The following OXR1 variants were observed in gnomAD, a reference collection of about 807,000 sequenced individuals.
OXR1 encodes oxidation resistance 1.
A neutral mutation model predicts 104.6 loss-of-function variants in OXR1; 41 were observed. The observed-to-expected ratio is 0.39, with a 90% CI of 0.31 to 0.51. The LOEUF (loss-of-function observed/expected upper bound fraction) is 0.51, where lower values mean the gene tolerates loss of function less well. Among genes scored for constraint, OXR1 ranks in the 20% least tolerant of loss-of-function variants. The pLI is 0.77. For synonymous variants in OXR1, 348 were observed against 348.4 expected (o/e 1.00, Z 0.01); for missense variants, 955 against 1,031.9 (o/e 0.93, Z 1.02).
chr8:106,406,528 G>C (rs376063394), intron 2 of OXR1, among the ~76,000 whole-genome samples: 2 of 152,058 alleles, frequency 1.3e-5, no homozygotes, highest in East Asian at 3.9e-4. Context: ...AAAGAAATGA[G>C]CTATCAAGCC....
chr8:106,350,811 T>G (rs1364435944), intron 1 of OXR1, among the ~76,000 whole-genome samples: 3 of 152,224 alleles, frequency 2.0e-5, no homozygotes, highest in Non-Finnish European at 4.4e-5. Context: ...TGTTAGAAAT[T>G]TTGTGCAACG....
chr8:106,672,334 A>C (rs1827098883), intron 3 of OXR1, among the ~76,000 whole-genome samples: 1 of 151,394 alleles, frequency 6.6e-6, no homozygotes, highest in Admixed American at 6.6e-5. Context: ...AAAAAAAAAA[A>C]AAATTAGCTG....
intron 2 of OXR1, among the ~76,000 whole-genome samples, chr8:106,443,554 TA>T (rs763497192): frequency 1.6e-4 from 25 of 152,314 alleles, no homozygotes; most frequent in Middle Eastern, 6.8e-3. Flanking sequence ...AGTCTCTTTA[TA>T]GGTCTCTAAG....
chr8:106,418,463 G>C (rs1818769893), intron 2 of OXR1, among the ~76,000 whole-genome samples: 1 of 151,822 alleles, frequency 6.6e-6, no homozygotes, highest in South Asian at 2.1e-4. Context: ...ACATTTTAGT[G>C]ACTTTTCTTC....
chr8:106,560,799 A>G (rs1164556185), intron 3 of OXR1, among the ~76,000 whole-genome samples: 1 of 152,262 alleles, frequency 6.6e-6, no homozygotes, highest in Non-Finnish European at 1.5e-5. Flanking sequence ...TGCATTTCCA[A>G]TGGAGGTACC....
intron 2 of OXR1, among the ~76,000 whole-genome samples, chr8:106,505,784 G>C (rs950175947): frequency 6.6e-6 from 1 of 152,184 alleles, no homozygotes; most frequent in African/African-American, 2.4e-5. Context: ...AAGAAAAGTG[G>C]CCCAAGACTA....
intron 3 of OXR1, among the ~76,000 whole-genome samples, chr8:106,553,164 C>T (rs1022581136): frequency 2.0e-5 from 3 of 151,874 alleles, no homozygotes; most frequent in African/African-American, 7.3e-5. Context: ...TGTAACTAAC[C>T]TGCACATTGT....
chr8:106,560,013 T>C (rs1303222449), intron 3 of OXR1, among the ~76,000 whole-genome samples: 1 of 152,178 alleles, frequency 6.6e-6, no homozygotes, highest in East Asian at 1.9e-4. Context: ...CATGCAGTTC[T>C]TGAAGTAGCA....
intron 1 of OXR1, among the ~76,000 whole-genome samples, chr8:106,297,376 A>G (rs185441807): frequency 2.3e-4 from 35 of 152,312 alleles, no homozygotes; most frequent in Non-Finnish European, 4.3e-4. Context: ...ACAGGGCAGC[A>G]TTCTGAGAAA....
intron 1 of OXR1, among the ~76,000 whole-genome samples, chr8:106,320,323 C>T (rs1351181792): frequency 1.3e-5 from 2 of 152,148 alleles, no homozygotes; most frequent in Admixed American, 6.5e-5. Context: ...ATCTCCTTGT[C>T]GTAGACTTAG....
intron 2 of OXR1, among the ~76,000 whole-genome samples, chr8:106,442,719 A>G (rs923496816): frequency 7.9e-5 from 12 of 152,114 alleles, no homozygotes; most frequent in African/African-American, 2.9e-4. Flanking sequence ...TGTTTATAGT[A>G]TTCTCTGATG....
rs1281426803 is a variant in OXR1, at chr8:106,751,948, A to G, written c.*1007A>G. 1 of 152,448 alleles carries G rather than the reference A, an allele frequency of 6.6e-6. No individual in the cohort carries two copies. The highest frequency in any genetic ancestry group is 6.5e-5 in the Admixed American group (1 of 15,274). 9.4% of individuals were successfully genotyped at this position (152,448 alleles called of 1,614,324 possible). On this transcript the variant is annotated 3_prime_UTR_variant, in exon 17 of 17. Coordinates refer to ENST00000517566, the MANE Select transcript of OXR1 (RefSeq NM_001198533.2). Reference sequence around the variant, plus strand: ...TTTGCTCTTATAAAGGGCAATGATTATAGTAGACAATATTGTAACTCAGTA... The same window carrying G: ...TTTGCTCTTATAAAGGGCAATGATTGTAGTAGACAATATTGTAACTCAGTA...
intron 3 of OXR1, among the ~76,000 whole-genome samples, chr8:106,571,020 TG>T (rs919004681): frequency 2.7e-4 from 41 of 151,838 alleles, no homozygotes; most frequent in Non-Finnish European, 5.9e-4. Flanking sequence ...CAGCTACCCT[TG>T]AAGCACACGG....
In OXR1 at chr8:106,462,257, A is replaced by G. The variant is rs541650002; in HGVS notation, c.24-56686A>G. Among the ~76,000 whole-genome samples the G allele has an allele frequency of 1.1e-4, 16 of 152,300 alleles. No individual in the cohort carries two copies. In the South Asian group the frequency reaches 3.3e-3, roughly 32 times the overall value. Reference sequence around the variant, plus strand: ...CCCAGATTTATGTATTCACATTCCTATAATAGTTTTTATTAAACTTTAAAA... The same window carrying G: ...CCCAGATTTATGTATTCACATTCCTGTAATAGTTTTTATTAAACTTTAAAA... On this transcript the variant is annotated intron_variant, in intron 2 of 16. Transcript: ENST00000517566.
At chr8:106,430,602 T>C (rs1819324885) in intron 2 of OXR1, among the ~76,000 whole-genome samples, 1 of 152,190 alleles carries the variant, frequency 6.6e-6, no homozygotes, top group African/African-American at 2.4e-5. Flanking sequence ...GACAGATCCA[T>C]AGAGTTTGGG....
intron 3 of OXR1, among the ~76,000 whole-genome samples, chr8:106,551,308 T>A (rs1173662694): frequency 1.3e-5 from 2 of 152,212 alleles, no homozygotes; most frequent in African/African-American, 4.8e-5. Flanking sequence ...TATTTCTTGT[T>A]GAAATGAGCA....
intron 8 of OXR1, among the ~76,000 whole-genome samples, chr8:106,705,747 A>G (rs1587169916): frequency 6.6e-6 from 1 of 152,164 alleles, no homozygotes; most frequent in African/African-American, 2.4e-5. Context: ...CCAGTTATGA[A>G]CCATTCATTT....
intron 2 of OXR1, among the ~76,000 whole-genome samples, chr8:106,420,251 T>C (rs1411414402): frequency 6.6e-6 from 1 of 152,084 alleles, no homozygotes; most frequent in African/African-American, 2.4e-5. Context: ...TCTTTATTTC[T>C]TTGTTTGTAG....
At chr8:106,310,182 C>T (rs1270735266) in intron 1 of OXR1, among the ~76,000 whole-genome samples, 4 of 148,534 alleles carry the variant, frequency 2.7e-5, no homozygotes, top group Non-Finnish European at 4.5e-5. Context: ...ATTTCTTTAA[C>T]AATATTTTGT....
Sources: allele counts gnomAD v4.1 joint callset (sites outside exome capture counted in the v4.1 genomes callset), GRCh38; gene constraint gnomAD v4.1.1; transcripts MANE v1.5; gene names NCBI Gene and HGNC (gene_info 2026-07-23, HGNC 2026-07-21).